Variants in EIF2AK1 observed in about 807,000 individuals in gnomAD.
The protein encoded by EIF2AK1 is eukaryotic translation initiation factor 2-alpha kinase 1.
In EIF2AK1, 54 loss-of-function variants were observed where a neutral mutation model predicts 77.9. The observed-to-expected ratio is 0.69, with a 90% confidence interval of 0.56 to 0.87. The LOEUF (loss-of-function observed/expected upper bound fraction) is 0.87. Ranked by LOEUF, EIF2AK1 falls within the 40% of genes least tolerant of loss-of-function variation. The pLI is 0.00. For synonymous variants in EIF2AK1, 314 were observed against 290.5 expected (o/e 1.08, Z -0.82); for missense variants, 810 against 768.6 (o/e 1.05, Z -0.64).
intron 5 of EIF2AK1, 60 bp downstream of exon 5, chr7:6,046,932 C>T: frequency 1.4e-6 from 2 of 1,389,278 alleles, no homozygotes; most frequent in Non-Finnish European, 2.0e-6. Context: ...ATAATGAAAA[C>T]AATATCTGAA....
At position 6,038,593 on chromosome 7, in the gene EIF2AK1, TG is replaced by T. The variant is rs765095595; in HGVS notation, c.1197del (p.Asn399LysfsTer29). 1.9e-6 allele frequency: 3 copies of T among 1,613,052 alleles called. No individual in the cohort carries two copies. Among genetic ancestry groups the T allele is most frequent in the Non-Finnish European group, 2.5e-6 (3 of 1,179,534 alleles). On this transcript the variant is annotated frameshift_variant, in exon 10 of 15. Transcript: ENST00000199389. LOFTEE classifies it high-confidence loss of function. ...LSLWDWIVER[N>X]KRGREYVDES... ...TCGTCCACATACTCCCGGCCCCGCT[TG>T]TTTCTCTCGACTATCCAATCCCACA... is the stretch of plus-strand genomic sequence containing the variant.
At chr7:6,051,452 CAG>C (rs1256691184) in intron 2 of EIF2AK1, among the ~76,000 whole-genome samples, 4 of 151,752 alleles carry the variant, frequency 2.6e-5, no homozygotes, top group Middle Eastern at 6.8e-3. Flanking sequence ...TTTTTTGAGA[CAG>C]AGTCTCACCC....
In EIF2AK1 at chr7:6,026,954, A is replaced by C. The variant is rs757088298; in HGVS notation, c.1538T>G (p.Met513Arg). The change falls in exon 14 of 15, where the codon ATG becomes AGG. Residue 513 changes from methionine to arginine, a missense_variant. This residue lies in a region of EIF2AK1 where 549 missense variants were observed against 533.7 expected (regional missense o/e 1.03). Coordinates refer to ENST00000199389, the MANE Select transcript of EIF2AK1 (RefSeq NM_014413.4). ...EGSEYDAKSD[M>R]YSLGVVLLEL... Reference sequence around the variant, plus strand: ...TAGCAGGACCACACCCAAGCTGTACATATCTGACTGGAAAAAGAAAAAAAG... The same window carrying C: ...TAGCAGGACCACACCCAAGCTGTACCTATCTGACTGGAAAAAGAAAAAAAG... The C allele has an allele frequency of 6.2e-7, 1 of 1,613,328 alleles. No individual in the cohort carries two copies. Among genetic ancestry groups the C allele is most frequent in the African/African-American group, 1.3e-5 (1 of 74,834 alleles).
Position 6,033,670 on chromosome 7 carries a change from C to T in EIF2AK1, c.1332+3754G>A, listed in dbSNP as rs1562744678. On this transcript the variant is annotated intron_variant, in intron 11 of 14. Transcript: ENST00000199389. The surrounding 1 kb of genome is among the most constrained non-coding windows in gnomAD (Gnocchi z 4.4). ...CAGTGGCACCATTCTCCTGGGTTCA[C>T]GCCATTCTCCTGCCTCAGCCTCCCA... Among the ~76,000 whole-genome samples, 3 of 151,946 alleles carry T rather than the reference C, an allele frequency of 2.0e-5. No individual in the cohort carries two copies. Among genetic ancestry groups the T allele is most frequent in the Non-Finnish European group, 2.9e-5 (2 of 67,968 alleles).
chr7:6,035,492 A>C lies in EIF2AK1; in HGVS notation c.1332+1932T>G. 1 of 1,551,098 alleles carries C rather than the reference A, an allele frequency of 6.4e-7. No individual in the cohort carries two copies. The highest frequency in any genetic ancestry group is 1.2e-5 in the South Asian group (1 of 84,066). ...TCAACTTAATGCTACTGCACTGGCCAGTCACTTCCACCACGTGGGCAAAAC... is the reference window on the plus strand; with the variant it reads ...TCAACTTAATGCTACTGCACTGGCCCGTCACTTCCACCACGTGGGCAAAAC... On this transcript the variant is annotated intron_variant, in intron 11 of 14. Coordinates refer to ENST00000199389, the MANE Select transcript of EIF2AK1 (RefSeq NM_014413.4). The surrounding 1 kb of genome is among the most constrained non-coding windows in gnomAD (Gnocchi z 5.5).
chr7:6,048,771 A>C, intron 4 of EIF2AK1, 36 bp downstream of exon 4: 4 of 1,489,770 alleles, frequency 2.7e-6, no homozygotes, highest in Non-Finnish European at 3.7e-6. Flanking sequence ...TTTCTTTTCA[A>C]TAGTCTGCAT....
intron 6 of EIF2AK1, among the ~76,000 whole-genome samples, chr7:6,045,824 G>T (rs1005513610): frequency 3.3e-5 from 5 of 150,482 alleles, no homozygotes; most frequent in African/African-American, 1.2e-4. Context: ...CTTGAACCCT[G>T]CGGGGCGGAG....
rs979427433 is a variant in EIF2AK1, at chr7:6,047,598, A to G, written c.450-507T>C. The stretch of plus-strand genomic sequence containing the variant: ...TGATGCAGGAGAATTGCTTGAACCC[A>G]GGAGGCAGAGATTGCAGTGAGCCGA... On this transcript the variant is annotated intron_variant, in intron 4 of 14. Transcript: ENST00000199389. 2.3e-5 allele frequency: 4 copies of G among 174,578 alleles called. No homozygotes were observed. The Admixed American group carries it at 2.5e-4, about 11-fold the overall frequency. 10.8% of individuals were successfully genotyped at this position (174,578 alleles called of 1,614,324 possible). A position where few individuals can be genotyped will look rare whatever the true frequency, so the allele number is the denominator to read the frequency against.
chr7:6,028,861 A>G (rs991929925), intron 12 of EIF2AK1, 57 bp downstream of exon 12: 1 of 1,483,620 alleles, frequency 6.7e-7, no homozygotes, highest in Non-Finnish European at 9.3e-7. Flanking sequence ...AAATACTAAC[A>G]TGTGCAACCA....
At chr7:6,046,305 C>T (rs978477390) in intron 5 of EIF2AK1, 154 bp from the exon 6 acceptor site, 7 of 410,860 alleles carry the variant, frequency 1.7e-5, no homozygotes, top group Admixed American at 9.1e-5. Flanking sequence ...GGAAGTCAGC[C>T]GGACTAAGAG....
Position 6,022,388 on chromosome 7 carries a change from G to C in EIF2AK1, c.*2285C>G. On this transcript the variant is annotated 3_prime_UTR_variant, in exon 15 of 15. Coordinates refer to ENST00000199389, the MANE Select transcript of EIF2AK1 (RefSeq NM_014413.4). ...TAGTGCTTAAGTTTTGAAGGAGTCA[G>C]AAGTTTTATGTGGATTTTCGACTGC... 6.6e-6 allele frequency: 1 copy of C among 152,206 alleles called. No individual in the cohort carries two copies. Among genetic ancestry groups the C allele is most frequent in the Non-Finnish European group, 1.5e-5 (1 of 68,044 alleles). 9.4% of individuals were successfully genotyped at this position (152,206 alleles called of 1,614,324 possible). A position where few individuals can be genotyped will look rare whatever the true frequency, so the allele number is the denominator to read the frequency against.
chr7:6,048,370 G>A (rs1788504625), intron 4 of EIF2AK1, among the ~76,000 whole-genome samples: 1 of 152,180 alleles, frequency 6.6e-6, no homozygotes, highest in Non-Finnish European at 1.5e-5. Flanking sequence ...TACTTAGGAT[G>A]TTTTCAAGAT....
intron 1 of EIF2AK1, among the ~76,000 whole-genome samples, chr7:6,055,045 AAGTT>A (rs1788710107): frequency 2.0e-5 from 3 of 152,142 alleles, no homozygotes; most frequent in Admixed American, 2.0e-4. Context: ...ATAAAGAAAG[AAGTT>A]AGGCAGAGGA....
chr7:6,057,489 C>A (rs1788815401), intron 1 of EIF2AK1: 1 of 151,642 alleles, frequency 6.6e-6, no homozygotes, highest in Admixed American at 6.6e-5. Context: ...TAGTTAAAAT[C>A]TCCCTGAATC....
At position 6,035,538 on chromosome 7, in the gene EIF2AK1, A is replaced by G; in HGVS notation, c.1332+1886T>C. 1 of 1,551,258 alleles carries G rather than the reference A, an allele frequency of 6.4e-7. No homozygotes were observed. Among genetic ancestry groups the G allele is most frequent in the Non-Finnish European group, 8.7e-7 (1 of 1,147,144 alleles). On this transcript the variant is annotated intron_variant, in intron 11 of 14. Coordinates refer to ENST00000199389, the MANE Select transcript of EIF2AK1 (RefSeq NM_014413.4). This position sits in a 1 kb window ranked among gnomAD's most constrained non-coding sequence, Gnocchi z 5.5. ...AAAACCAGGCAACAGAACGCACAGGATCCTGACAGACATTCAGAATAGCAG... is the reference window on the plus strand; with the variant it reads ...AAAACCAGGCAACAGAACGCACAGGGTCCTGACAGACATTCAGAATAGCAG...
At chr7:6,046,368 C>T (rs766849927) in intron 5 of EIF2AK1, 3 of 305,514 alleles carry the variant, frequency 9.8e-6, no homozygotes, top group African/African-American at 4.3e-5. Flanking sequence ...GGCTGAAGAA[C>T]GGGAATGTTA....
intron 5 of EIF2AK1, 33 bp downstream of exon 5, chr7:6,046,959 G>C: frequency 2.0e-6 from 3 of 1,501,292 alleles, no homozygotes; most frequent in Non-Finnish European, 2.7e-6. Context: ...ATTATTTAGG[G>C]TAGTAGGTCA....
In EIF2AK1 at chr7:6,027,971, G is replaced by A. The variant is rs757985131; in HGVS notation, c.1530+644C>T. ...ACAGTTACATGGGAGGCTGAGGTGG[G>A]AGGATCACTTGAGCCCAGGAGTTGG... On this transcript the variant is annotated intron_variant, in intron 13 of 14. Coordinates refer to ENST00000199389, the MANE Select transcript of EIF2AK1 (RefSeq NM_014413.4). This position sits in a 1 kb window ranked among gnomAD's most constrained non-coding sequence, Gnocchi z 4.5. The A allele has an allele frequency of 1.1e-4, 51 of 453,798 alleles. No individual in the cohort carries two copies. Among genetic ancestry groups the A allele is most frequent in the African/African-American group, 9.6e-4 (48 of 49,870 alleles). The allele number at this position is 453,798 out of a possible 1,614,324, so 28.1% of individuals were successfully genotyped here.
chr7:6,026,644 G>A lies in EIF2AK1; in HGVS notation c.1764+84C>T, dbSNP rs1787755085. ...TGGCTCTTCCAGCCCCAGCCTCCGG[G>A]GGCACCACCCAACCGCTTCCTTCCC... On this transcript the variant is annotated intron_variant, in intron 14 of 14. Coordinates refer to ENST00000199389, the MANE Select transcript of EIF2AK1 (RefSeq NM_014413.4). 8.2e-6 allele frequency: 9 copies of A among 1,098,158 alleles called. No homozygotes were observed. In the East Asian group the frequency reaches 1.7e-4, roughly 21 times the overall value. 68.0% of individuals were successfully genotyped at this position (1,098,158 alleles called of 1,614,324 possible).
Sources: allele counts gnomAD v4.1 joint callset (sites outside exome capture counted in the v4.1 genomes callset), GRCh38; gene constraint gnomAD v4.1.1; regional missense constraint gnomAD v4.1.1; non-coding constraint Gnocchi (gnomAD v3.1); transcripts MANE v1.5; gene names NCBI Gene and HGNC (gene_info 2026-07-23, HGNC 2026-07-21).